PEX14: variants seen among roughly 807,000 people sequenced by gnomAD.
PEX14 encodes peroxisomal biogenesis factor 14, also known as peroxisomal membrane protein PEX14.
In PEX14, 15 loss-of-function variants were observed where a neutral mutation model predicts 49.5. The observed-to-expected ratio is 0.30, with a 90% CI of 0.20 to 0.47. The LOEUF is 0.47. Among genes scored for constraint, PEX14 ranks in the 20% least tolerant of loss-of-function variants. The pLI is 1.00. For synonymous variants in PEX14, 210 were observed against 212.7 expected, an observed-to-expected ratio of 0.99 and a Z score of 0.11; for missense variants, 398 against 494.8, an observed-to-expected ratio of 0.80 and a Z score of 1.86.
At chr1:10,607,336 C>T (rs907105967) in intron 4 of PEX14, among the ~76,000 whole-genome samples, 26 of 151,914 alleles carry the variant, frequency 1.7e-4, no homozygotes, top group South Asian at 6.2e-4. Context: ...TGAGCTATTA[C>T]GAATAAAACT....
At chr1:10,577,410 C>CCAAA (rs578068469) in intron 3 of PEX14, among the ~76,000 whole-genome samples, 1 of 99,362 alleles carries the variant, frequency 1.0e-5, no homozygotes, top group South Asian at 3.4e-4. Flanking sequence ...AAAAAAAAAC[C>CCAAA]AAAAAAAAAA....
chr1:10,553,903 G>GGTTA (rs891105331), intron 3 of PEX14, among the ~76,000 whole-genome samples: 6 of 152,212 alleles, frequency 3.9e-5, no homozygotes, highest in African/African-American at 1.4e-4. Context: ...GTGACATGAC[G>GGTTA]GTTAGTTCCC....
At chr1:10,569,174 C>A (rs957969457) in intron 3 of PEX14, among the ~76,000 whole-genome samples, 4 of 152,058 alleles carry the variant, frequency 2.6e-5, no homozygotes, top group Non-Finnish European at 4.4e-5. Context: ...TTAGTAAAAT[C>A]ATGAATACTA....
At chr1:10,525,235 A>G (rs1210615882) in intron 2 of PEX14, among the ~76,000 whole-genome samples, 1 of 152,134 alleles carries the variant, frequency 6.6e-6, no homozygotes, top group Non-Finnish European at 1.5e-5. Flanking sequence ...GTACCTTGAT[A>G]CTAAAGACAG....
At chr1:10,483,577 A>G (rs1045241055) in intron 1 of PEX14, among the ~76,000 whole-genome samples, 1 of 151,716 alleles carries the variant, frequency 6.6e-6, no homozygotes, top group Admixed American at 6.6e-5. Flanking sequence ...GGCCCCCCAA[A>G]GTGCTGGGAT....
chr1:10,503,092 C>T (rs1029060655), intron 2 of PEX14, among the ~76,000 whole-genome samples: 5 of 151,688 alleles, frequency 3.3e-5, no homozygotes, highest in South Asian at 2.1e-4. Flanking sequence ...TGAGCCACCA[C>T]GCCCTGCCTG....
intron 3 of PEX14, among the ~76,000 whole-genome samples, chr1:10,585,080 G>A (rs1031646056): frequency 1.2e-4 from 18 of 152,278 alleles, no homozygotes; most frequent in South Asian, 1.0e-3. Flanking sequence ...GCGTTGGTTC[G>A]CAAGTGTTTT....
intron 2 of PEX14, among the ~76,000 whole-genome samples, chr1:10,509,647 G>A (rs1216338992): frequency 2.0e-5 from 3 of 152,056 alleles, no homozygotes; most frequent in Non-Finnish European, 4.4e-5. Context: ...AGCTAATGCC[G>A]GCTGGAGGAA....
chr1:10,479,435 C>T (rs900527267), intron 1 of PEX14, among the ~76,000 whole-genome samples: 9 of 152,160 alleles, frequency 5.9e-5, no homozygotes, highest in African/African-American at 2.2e-4. Flanking sequence ...TGAGCCACCA[C>T]GCCCAGCCAG....
chr1:10,552,414 C>A (rs1339103171), intron 3 of PEX14, among the ~76,000 whole-genome samples: 3 of 152,224 alleles, frequency 2.0e-5, no homozygotes, highest in Non-Finnish European at 4.4e-5. Context: ...TGTACTCCAG[C>A]CTGGGCAACA....
At chr1:10,599,469 C>G (rs1280057901) in intron 4 of PEX14, 103 bp downstream of exon 4, 4 of 1,336,136 alleles carry the variant, frequency 3.0e-6, no homozygotes, top group Non-Finnish European at 4.3e-6. Context: ...CCAGGAGAAA[C>G]TGGGAGCAGC....
Position 10,630,108 on chromosome 1 carries a change from T to C in PEX14, c.*121T>C. On this transcript the variant is annotated 3_prime_UTR_variant, in exon 9 of 9. Transcript: ENST00000356607. The surrounding 1 kb of genome is among the most constrained non-coding windows in gnomAD (Gnocchi z 4.1). ...GGAGCCCAGGTAGGGGGCAGAGCTGTCCTCAGCTGCACTGCGGCCTGGTGG... is the reference window on the plus strand; with the variant it reads ...GGAGCCCAGGTAGGGGGCAGAGCTGCCCTCAGCTGCACTGCGGCCTGGTGG... 6.8e-7 allele frequency: 1 copy of C among 1,471,284 alleles called. No individual in the cohort carries two copies. The highest frequency in any genetic ancestry group is 1.4e-5 in the African/African-American group (1 of 71,908). The allele number at this position is 1,471,284 out of a possible 1,614,324, so 91.1% of individuals were successfully genotyped here.
intron 4 of PEX14, among the ~76,000 whole-genome samples, chr1:10,603,911 C>T (rs923491829): frequency 2.8e-4 from 42 of 152,276 alleles, no homozygotes; most frequent in African/African-American, 9.1e-4. Flanking sequence ...CATCTGAGGC[C>T]GGTGAAAGGT....
At chr1:10,570,735 G>A (rs1021845724) in intron 3 of PEX14, among the ~76,000 whole-genome samples, 1 of 151,998 alleles carries the variant, frequency 6.6e-6, no homozygotes, top group East Asian at 1.9e-4. Context: ...TGGAGCATCT[G>A]TGGGCATGAG....
intron 4 of PEX14, among the ~76,000 whole-genome samples, chr1:10,601,775 A>G (rs1352642917): frequency 6.6e-6 from 1 of 152,048 alleles, no homozygotes; most frequent in African/African-American, 2.4e-5. Flanking sequence ...AGCTGACTTT[A>G]TGTGCTTCTT....
chr1:10,593,367 T>C (rs1015787548), intron 3 of PEX14, among the ~76,000 whole-genome samples: 46 of 152,150 alleles, frequency 3.0e-4, no homozygotes, highest in Non-Finnish European at 4.7e-4. Context: ...TCTAGAAGGA[T>C]ACCGAGAGGA....
intron 4 of PEX14, chr1:10,616,914 C>A (rs150438408): frequency 6.6e-6 from 1 of 151,938 alleles, no homozygotes; most frequent in Non-Finnish European, 1.5e-5. Context: ...CCAGGAGTTC[C>A]GGGCTACGGG....
chr1:10,596,767 T>A (rs919569901), intron 3 of PEX14, among the ~76,000 whole-genome samples: 34 of 152,208 alleles, frequency 2.2e-4, no homozygotes, highest in Admixed American at 1.6e-3. Context: ...AAACGCTTAC[T>A]TTTAAAAAGA....
intron 2 of PEX14, among the ~76,000 whole-genome samples, chr1:10,524,910 C>T (rs921675847): frequency 1.3e-5 from 2 of 152,194 alleles, no homozygotes; most frequent in Non-Finnish European, 2.9e-5. Flanking sequence ...AGGCTGGTCC[C>T]GAACTCTTGG....
Sources: gnomAD v4.1 joint callset for allele counts (sites outside exome capture counted in the v4.1 genomes callset) on GRCh38, gnomAD v4.1.1 for gene constraint, Gnocchi (gnomAD v3.1) non-coding constraint, MANE v1.5 for transcripts, NCBI Gene and HGNC (gene_info 2026-07-23, HGNC 2026-07-21) for gene names.